Variants in FRMD3 observed in about 807,000 individuals in gnomAD.
The protein encoded by FRMD3 is FERM domain-containing protein 3.
Under a neutral mutation model 70.2 loss-of-function variants are expected in FRMD3, and 33 were observed. That is an observed-to-expected ratio of 0.47 (90% CI 0.36 to 0.63). The LOEUF (loss-of-function observed/expected upper bound fraction) is 0.63, where lower values mean the gene tolerates loss of function less well. Among genes scored for constraint, FRMD3 ranks in the 20% least tolerant of loss-of-function variants. FRMD3 has a pLI of 0.00. For missense variants in FRMD3, 632 were observed against 711.4 expected (o/e 0.89, Z 1.27); for synonymous variants, 279 against 255.9 (o/e 1.09, Z -0.86).
At chr9:83,507,784 G>A (rs549036601) in intron 1 of FRMD3, among the ~76,000 whole-genome samples, 1 of 132,598 alleles carries the variant, frequency 7.5e-6, no homozygotes, top group East Asian at 2.2e-4. Context: ...CTGTTTTACA[G>A]TTAACATTTT....
At chr9:83,257,749 T>C (rs4877750) in intron 13 of FRMD3, among the ~76,000 whole-genome samples, 122,922 of 152,080 alleles carry the variant, frequency 0.81, 49,813 homozygotes, top group East Asian at 0.96. Context: ...CATCCACATC[T>C]GAGAAGCCTC....
chr9:83,385,537 G>A (rs373933119), intron 2 of FRMD3, among the ~76,000 whole-genome samples: 17 of 152,128 alleles, frequency 1.1e-4, no homozygotes, highest in East Asian at 5.8e-4. Flanking sequence ...CAAACATATG[G>A]TGTTCCAAAT....
chr9:83,395,440 C>A (rs957602432), intron 1 of FRMD3, among the ~76,000 whole-genome samples: 3 of 151,974 alleles, frequency 2.0e-5, no homozygotes, highest in African/African-American at 7.3e-5. Context: ...AGGTATTAAG[C>A]CTAGTACCCA....
intron 13 of FRMD3, among the ~76,000 whole-genome samples, chr9:83,256,035 T>G (rs146503322): frequency 6.6e-6 from 1 of 152,156 alleles, no homozygotes; most frequent in African/African-American, 2.4e-5. Context: ...AAAATTCGTA[T>G]GGAACCAAAA....
upstream of FRMD3, among the ~76,000 whole-genome samples, chr9:83,539,367 T>C (rs1236968127): frequency 6.6e-6 from 1 of 152,110 alleles, no homozygotes; most frequent in Non-Finnish European, 1.5e-5. Context: ...GGAGCAGCTG[T>C]TGAGTCAGGG....
At chr9:83,259,546 T>C (rs58579431) in intron 13 of FRMD3, among the ~76,000 whole-genome samples, 26,535 of 152,136 alleles carry the variant, frequency 0.17, 2,525 homozygotes, top group African/African-American at 0.25. Context: ...ATTCTTATTA[T>C]AAATAATTTT....
intron 1 of FRMD3, among the ~76,000 whole-genome samples, chr9:83,518,074 C>T (rs868483794): frequency 2.3e-4 from 35 of 152,270 alleles, no homozygotes; most frequent in African/African-American, 7.9e-4. Context: ...CCTTTGAAAA[C>T]CTGCCCAAGA....
At chr9:83,288,550 T>G (rs1232604287) in intron 13 of FRMD3, among the ~76,000 whole-genome samples, 1 of 152,212 alleles carries the variant, frequency 6.6e-6, no homozygotes, top group African/African-American at 2.4e-5. Flanking sequence ...GAAAATAATT[T>G]TATTAGATAT....
chr9:83,425,767 CATGGTGGCACATGCCT>C (rs1826785564), intron 1 of FRMD3, among the ~76,000 whole-genome samples: 1 of 151,710 alleles, frequency 6.6e-6, no homozygotes, highest in Non-Finnish European at 1.5e-5. Flanking sequence ...ATTAGCCAGG[CATGGTGGCACATGCCT>C]GTAATCCCAG....
chr9:83,390,334 G>A (rs757425680), intron 1 of FRMD3, among the ~76,000 whole-genome samples: 3 of 152,212 alleles, frequency 2.0e-5, no homozygotes, highest in Non-Finnish European at 4.4e-5. Context: ...CTGCCAGGAG[G>A]CAGCATCTGG....
the FRMD3 span, among the ~76,000 whole-genome samples, chr9:83,558,869 G>A: frequency 6.6e-6 from 1 of 152,186 alleles, no homozygotes; most frequent in African/African-American, 2.4e-5. Context: ...ATGTGTGGAG[G>A]AAATAGCAAG....
At chr9:83,422,160 G>C (rs372773258) in intron 1 of FRMD3, among the ~76,000 whole-genome samples, 1 of 152,212 alleles carries the variant, frequency 6.6e-6, no homozygotes, top group Non-Finnish European at 1.5e-5. Flanking sequence ...GGGAGGCAGA[G>C]GCTGCAGTGA....
At chr9:83,519,748 A>G (rs1245742588) in intron 1 of FRMD3, among the ~76,000 whole-genome samples, 2 of 152,140 alleles carry the variant, frequency 1.3e-5, no homozygotes, top group African/African-American at 2.4e-5. Flanking sequence ...CAACCCAAAT[A>G]CCCATCAATG....
chr9:83,391,577 T>C (rs920337923), intron 1 of FRMD3, among the ~76,000 whole-genome samples: 1 of 152,250 alleles, frequency 6.6e-6, no homozygotes, highest in African/African-American at 2.4e-5. Flanking sequence ...CAGATACTGC[T>C]GTCATTTTGC....
At chr9:83,302,952 G>A (rs561115411) in intron 10 of FRMD3, among the ~76,000 whole-genome samples, 1 of 152,124 alleles carries the variant, frequency 6.6e-6, no homozygotes, top group Admixed American at 6.5e-5. Context: ...CAAGAAGTAT[G>A]ACTATGCCCA....
chr9:83,507,685 TACATAC>T (rs1829220195), intron 1 of FRMD3, among the ~76,000 whole-genome samples: 2 of 23,734 alleles, frequency 8.4e-5, no homozygotes, highest in South Asian at 1.4e-3. Flanking sequence ...AAAAAAAATA[TACATAC>T]ATATATATAT....
At chr9:83,382,133 G>C (rs1825375977) in intron 2 of FRMD3, among the ~76,000 whole-genome samples, 1 of 152,090 alleles carries the variant, frequency 6.6e-6, no homozygotes, top group East Asian at 1.9e-4. Flanking sequence ...TGAAATTATG[G>C]AATTTTTTTC....
rs869226126 is a variant in FRMD3 at position 83,423,585 on chromosome 9, CTTTTTTTTTTTT to C, written c.148-33889_148-33878del. On this transcript the variant is annotated intron_variant, in intron 1 of 13. Transcript: ENST00000304195. ...TTCCCTAGTTGCACTAGCCCTGTTTCTTTTTTTTTTTTTTTTTTTTTTTTTTTTGAGATGGAG... is the reference window on the plus strand; with the variant it reads ...TTCCCTAGTTGCACTAGCCCTGTTTCTTTTTTTTTTTTTTTTGAGATGGAG... 1.7e-4 allele frequency among the ~76,000 whole-genome samples: 10 copies of C among 60,478 alleles called. 1 individual carries two copies. The highest frequency in any genetic ancestry group is 1.6e-3 in the South Asian group (2 of 1,268). The allele number at this position is 60,478 out of a possible 152,430, so 39.7% of individuals were successfully genotyped here. A position where few individuals can be genotyped will look rare whatever the true frequency, so the allele number is the denominator to read the frequency against.
intron 1 of FRMD3, among the ~76,000 whole-genome samples, chr9:83,424,501 T>C (rs1826745137): frequency 1.3e-5 from 2 of 152,202 alleles, no homozygotes; most frequent in Non-Finnish European, 2.9e-5. Context: ...GCAGCCCTTG[T>C]ACATTCGGAC....
Sources: gnomAD v4.1 joint callset for allele counts (sites outside exome capture counted in the v4.1 genomes callset) on GRCh38, gnomAD v4.1.1 for gene constraint, MANE v1.5 for transcripts, NCBI Gene and HGNC (gene_info 2026-07-23, HGNC 2026-07-21) for gene names.